Variants in USP13 observed in about 807,000 individuals in gnomAD.
The protein encoded by USP13 is ubiquitin specific peptidase 13, also known as ubiquitin carboxyl-terminal hydrolase 13.
Under a neutral mutation model 107.8 loss-of-function variants are expected in USP13, and 68 were observed. The observed-to-expected ratio is 0.63, with a 90% CI of 0.52 to 0.77. The LOEUF is 0.77. Among genes scored for constraint, USP13 ranks in the 30% least tolerant of loss-of-function variants. The pLI is 0.00. For missense variants in USP13, 945 were observed against 1,093.3 expected (o/e 0.86, Z 1.91); for synonymous variants, 377 against 389.5 (o/e 0.97, Z 0.38).
At chr3:179,745,293 G>GA in intron 13 of USP13, 76 bp downstream of exon 13, 4 of 1,380,212 alleles carry the variant, frequency 2.9e-6, no homozygotes, top group Non-Finnish European at 4.0e-6. Flanking sequence ...AGGGAAAGGG[G>GA]GTGGGTGTTA....
intron 1 of USP13, among the ~76,000 whole-genome samples, chr3:179,664,160 G>A (rs1389863339): frequency 6.6e-6 from 1 of 150,566 alleles, no homozygotes; most frequent in Non-Finnish European, 1.5e-5. Flanking sequence ...TTGGTCTGTC[G>A]CTCAGGCTGG....
At position 179,694,615 on chromosome 3, in the gene USP13, C is replaced by T. The variant is rs760807636; in HGVS notation, c.355+4314C>T. ...GTCAGGAGTTCGGCAGCCTGGCCAA[C>T]GTGGTGAAACCCTGTCTCTACTAAA... On this transcript the variant is annotated intron_variant, in intron 3 of 20. Transcript: ENST00000263966. Among the ~76,000 whole-genome samples, 129 of 152,078 alleles carry T rather than the reference C, an allele frequency of 8.5e-4. 1 individual carries two copies. In the Middle Eastern group the frequency reaches 0.014, roughly 16 times the overall value.
Position 179,786,747 on chromosome 3 carries a change from G to C in USP13, c.*2606G>C, listed in dbSNP as rs1249619603. 1.3e-5 allele frequency: 2 copies of C among 152,232 alleles called. No individual in the cohort carries two copies. 9.4% of individuals were successfully genotyped at this position (152,232 alleles called of 1,614,324 possible). On this transcript the variant is annotated 3_prime_UTR_variant, in exon 21 of 21. Transcript: ENST00000263966. ...AGACACGATTATTTGTGACTGAAAA[G>C]TGGAATAACGTGTGGATTTTGTCAA...
chr3:179,703,814 A>G (rs1712618884), intron 4 of USP13, among the ~76,000 whole-genome samples: 2 of 152,258 alleles, frequency 1.3e-5, no homozygotes, highest in South Asian at 2.1e-4. Context: ...TAAAACAATT[A>G]GGAAGTGAAG....
rs1352763841 is a variant in USP13, at chr3:179,680,205, AG to A, written c.169-1672del. On this transcript the variant is annotated intron_variant, in intron 1 of 20. Transcript: ENST00000263966. ...AACAACAACAACAACAACAACAAAA[AG>A]AAAGAGAGAGAGAGAGAAAGAGAAC... is the stretch of plus-strand genomic sequence containing the variant. Among the ~76,000 whole-genome samples the A allele has an allele frequency of 2.1e-4, 32 of 151,938 alleles. 1 individual carries two copies. Among genetic ancestry groups the A allele is most frequent in the Non-Finnish European group, 4.4e-4 (30 of 67,966 alleles).
chr3:179,774,625 A>C (rs943536594), intron 19 of USP13, among the ~76,000 whole-genome samples: 6 of 152,152 alleles, frequency 3.9e-5, no homozygotes, highest in African/African-American at 1.4e-4. Context: ...TACAGCTCAT[A>C]AAGGTAGTGG....
intron 1 of USP13, among the ~76,000 whole-genome samples, chr3:179,680,823 G>GCTCTATTGTCAGACAAGCATGTTT (rs1297046836): frequency 1.7e-3 from 172 of 100,278 alleles, no homozygotes; most frequent in Admixed American, 2.4e-3. Flanking sequence ...TTACAGGCAT[G>GCTCTATTGTCAGACAAGCATGTTT]AGTCACCGTG....
At chr3:179,719,853 G>A (rs1021234221) in intron 6 of USP13, 87 bp from the exon 7 acceptor site, 1 of 1,090,248 alleles carries the variant, frequency 9.2e-7, no homozygotes, top group Non-Finnish European at 1.4e-6. Flanking sequence ...CCCAAGCCTG[G>A]TGTACAGTAG....
intron 3 of USP13, among the ~76,000 whole-genome samples, chr3:179,698,717 G>C (rs1027068429): frequency 4.6e-5 from 7 of 151,632 alleles, no homozygotes; most frequent in African/African-American, 1.7e-4. Flanking sequence ...CATTTGTTTA[G>C]GTTTCTTTCT....
intron 3 of USP13, among the ~76,000 whole-genome samples, chr3:179,696,327 C>T (rs866777158): frequency 1.8e-5 from 1 of 56,600 alleles, no homozygotes; most frequent in African/African-American, 6.2e-5. Flanking sequence ...AGCCATTAGG[C>T]ATTTTTTTTT....
chr3:179,715,734 C>T (rs1165132052), intron 6 of USP13, among the ~76,000 whole-genome samples: 6 of 151,980 alleles, frequency 3.9e-5, no homozygotes, highest in Admixed American at 3.9e-4. Flanking sequence ...TTGCAGATGG[C>T]TTAGAGGCAC....
At chr3:179,723,783 C>G (rs1208044112) in intron 8 of USP13, among the ~76,000 whole-genome samples, 1 of 152,148 alleles carries the variant, frequency 6.6e-6, no homozygotes, top group Non-Finnish European at 1.5e-5. Flanking sequence ...ACTTGTTCTT[C>G]TCACTTCTTT....
intron 1 of USP13, among the ~76,000 whole-genome samples, chr3:179,659,069 CT>C (rs1468944679): frequency 1.3e-5 from 2 of 152,132 alleles, no homozygotes; most frequent in African/African-American, 2.4e-5. Flanking sequence ...TAAGAAGGAG[CT>C]TTTTTCCCAT....
At chr3:179,749,347 A>T (rs142900693) in intron 13 of USP13, among the ~76,000 whole-genome samples, 1 of 152,322 alleles carries the variant, frequency 6.6e-6, no homozygotes, top group African/African-American at 2.4e-5. Context: ...CTTTGAAGAA[A>T]ATTTGCTGTC....
intron 20 of USP13, among the ~76,000 whole-genome samples, chr3:179,783,246 C>T (rs978939782): frequency 5.3e-5 from 8 of 151,898 alleles, no homozygotes; most frequent in Non-Finnish European, 8.8e-5. Context: ...ACCCTGGAAG[C>T]CTAACAATAA....
At position 179,692,993 on chromosome 3, in the gene USP13, A is replaced by G. The variant is rs533327621; in HGVS notation, c.355+2692A>G. On this transcript the variant is annotated intron_variant, in intron 3 of 20. Coordinates refer to ENST00000263966, the MANE Select transcript of USP13 (RefSeq NM_003940.3). ...TTCAGGCAAGATTTCATATCTTAGA[A>G]AACCACAAGGTGCATATAGAACTCA... is the stretch of plus-strand genomic sequence containing the variant. Among the ~76,000 whole-genome samples the G allele has an allele frequency of 2.0e-5, 3 of 152,322 alleles. No individual in the cohort carries two copies. The South Asian group carries it at 6.2e-4, about 32-fold the overall frequency.
intron 8 of USP13, among the ~76,000 whole-genome samples, chr3:179,729,710 G>A (rs573593374): frequency 9.9e-5 from 15 of 152,196 alleles, no homozygotes; most frequent in Non-Finnish European, 1.9e-4. Flanking sequence ...GACCTCCGAT[G>A]ATCCACCCGC....
intron 1 of USP13, among the ~76,000 whole-genome samples, chr3:179,658,164 C>A (rs1286256838): frequency 1.3e-5 from 2 of 152,170 alleles, no homozygotes. Context: ...CTATGTTGGC[C>A]AGGCTGGTCC....
In USP13 at chr3:179,742,262, G is replaced by C. The variant is rs758476758; in HGVS notation, c.1446G>C (p.Gln482His). 3 of 1,614,238 alleles carry C rather than the reference G, an allele frequency of 1.9e-6. No homozygotes were observed. Among genetic ancestry groups the C allele is most frequent in the Non-Finnish European group, 2.5e-6 (3 of 1,180,052 alleles). ...GTTTTTTGGTGGAAGAACGCATTCA[G>C]TGCTGTCAGACCCGGAAAGTCCGCT... Reference protein sequence around the residue: ...VFRFLVEERIQCCQTRKVRYT... With the variant: ...VFRFLVEERIHCCQTRKVRYT... The change falls in exon 12 of 21, where the codon CAG becomes CAC. Residue 482 changes from glutamine (Q) to histidine (H), a missense_variant. Physicochemically the swap from Gln to His is conservative, Grantham distance 24 (BLOSUM62 0). Coordinates refer to ENST00000263966, the MANE Select transcript of USP13 (RefSeq NM_003940.3). This position sits in a 1 kb window ranked among gnomAD's most constrained non-coding sequence, Gnocchi z 5.0.
Sources: allele counts gnomAD v4.1 joint callset (sites outside exome capture counted in the v4.1 genomes callset), GRCh38; gene constraint gnomAD v4.1.1; non-coding constraint Gnocchi (gnomAD v3.1); transcripts MANE v1.5; gene names NCBI Gene and HGNC (gene_info 2026-07-23, HGNC 2026-07-21).